Variants in DGKH observed in about 807,000 individuals in gnomAD.
DGKH encodes diacylglycerol kinase eta.
A neutral mutation model predicts 159.3 loss-of-function variants in DGKH; 90 were observed. That is an observed-to-expected ratio of 0.57 (90% CI 0.48 to 0.67). The LOEUF is 0.67. Among genes scored for constraint, DGKH ranks in the 30% least tolerant of loss-of-function variants. The pLI is 0.00. For missense variants in DGKH, 1,181 were observed against 1,506.1 expected (o/e 0.78, Z 3.57); for synonymous variants, 536 against 553.8 (o/e 0.97, Z 0.45).
At chr13:42,068,604 C>T (rs2137686094) in intron 1 of DGKH, among the ~76,000 whole-genome samples, 1 of 152,284 alleles carries the variant, frequency 6.6e-6, no homozygotes, top group African/African-American at 2.4e-5. Flanking sequence ...TATGTACAGT[C>T]TCACTGTAAA....
Position 42,156,449 on chromosome 13 carries a change from C to T in DGKH, c.622+650C>T, listed in dbSNP as rs756304452. ...GTTTTTTAAGTCTCACTATGTTGCC[C>T]AGGCTGGTCTCAAACTCCTGGGCTC... is the stretch of plus-strand genomic sequence containing the variant. On this transcript the variant is annotated intron_variant, in intron 5 of 29. Coordinates refer to ENST00000337343, the MANE Select transcript of DGKH (RefSeq NM_178009.5). Among the ~76,000 whole-genome samples, 64 of 152,044 alleles carry T rather than the reference C, an allele frequency of 4.2e-4. No individual in the cohort carries two copies. In the Middle Eastern group the frequency reaches 0.017, roughly 40 times the overall value.
Position 42,125,039 on chromosome 13 carries a change from G to A in DGKH, c.193-2424G>A, listed in dbSNP as rs2209516. ...TAGTCTAAGGCAGTGGTTTTCCACC[G>A]TGGCTGCCATTTGAATCGCCACCTC... On this transcript the variant is annotated intron_variant, in intron 1 of 29. Coordinates refer to ENST00000337343, the MANE Select transcript of DGKH (RefSeq NM_178009.5). Among the ~76,000 whole-genome samples the A allele has an allele frequency of 2.2e-4, 34 of 152,266 alleles. No individual in the cohort carries two copies. The East Asian group carries it at 6.4e-3, about 29-fold the overall frequency.
At chr13:42,214,955 C>T (rs1217381450) in intron 25 of DGKH, among the ~76,000 whole-genome samples, 2 of 152,088 alleles carry the variant, frequency 1.3e-5, no homozygotes, top group Non-Finnish European at 2.9e-5. Flanking sequence ...TCCTAGATAT[C>T]ATCAGCGTGC....
At chr13:42,179,555 T>C (rs1956694744) in intron 13 of DGKH, among the ~76,000 whole-genome samples, 1 of 152,126 alleles carries the variant, frequency 6.6e-6, no homozygotes, top group African/African-American at 2.4e-5. Flanking sequence ...GGCAGATTAC[T>C]TGAAGCCCAG....
At chr13:42,068,786 A>G in intron 1 of DGKH, 1 of 400,798 alleles carries the variant, frequency 2.5e-6, no homozygotes, top group Non-Finnish European at 4.4e-6. Flanking sequence ...GTAGAAAAAG[A>G]AAGTCTGGAT....
intron 1 of DGKH, among the ~76,000 whole-genome samples, chr13:42,061,455 T>A (rs1158098683): frequency 6.6e-6 from 1 of 152,222 alleles, no homozygotes; most frequent in Admixed American, 6.5e-5. Flanking sequence ...TCCCATACTC[T>A]TGCTATCTGT....
At chr13:42,160,729 G>C (rs1453958992) in intron 7 of DGKH, among the ~76,000 whole-genome samples, 1 of 152,214 alleles carries the variant, frequency 6.6e-6, no homozygotes, top group Non-Finnish European at 1.5e-5. Context: ...GGGCGATGCT[G>C]CTCTACAATG....
chr13:42,052,145 A>T (rs776806150), intron 1 of DGKH, among the ~76,000 whole-genome samples: 3 of 152,188 alleles, frequency 2.0e-5, no homozygotes, highest in Non-Finnish European at 4.4e-5. Context: ...CAGCTTTTTC[A>T]TAGTGGATTT....
At chr13:42,061,362 C>G (rs1470455946) in intron 1 of DGKH, among the ~76,000 whole-genome samples, 1 of 152,186 alleles carries the variant, frequency 6.6e-6, no homozygotes, top group Non-Finnish European at 1.5e-5. Flanking sequence ...TTCACCTATG[C>G]AAGCTCCCAG....
intron 1 of DGKH, among the ~76,000 whole-genome samples, chr13:42,041,415 G>C (rs1045177668): frequency 6.6e-6 from 1 of 152,190 alleles, no homozygotes; most frequent in Non-Finnish European, 1.5e-5. Context: ...CCTGCCAGCC[G>C]CTAAAGCTTG....
rs73470941 is a variant in DGKH at position 42,068,867 on chromosome 13, C to T, written c.192+19902C>T. The T allele has an allele frequency of 5.4e-3, 4,247 of 781,784 alleles. 138 individuals carry two copies. The African/African-American group carries it at 0.062, about 11-fold the overall frequency. 48.4% of individuals were successfully genotyped at this position (781,784 alleles called of 1,614,324 possible). Reference sequence around the variant, plus strand: ...TGATTCAAGTAAAAAATGACTTAAACTCTAGTAATAAAAAAGACAAAATAC... The same window carrying T: ...TGATTCAAGTAAAAAATGACTTAAATTCTAGTAATAAAAAAGACAAAATAC... On this transcript the variant is annotated intron_variant, in intron 1 of 29. Transcript: ENST00000337343.
intron 13 of DGKH, among the ~76,000 whole-genome samples, chr13:42,184,699 C>CA (rs1363479538): frequency 1.3e-5 from 2 of 151,346 alleles, no homozygotes; most frequent in African/African-American, 2.4e-5. Context: ...ACATCTCTAC[C>CA]AAAAAAAATT....
intron 3 of DGKH, among the ~76,000 whole-genome samples, chr13:42,147,767 T>A (rs1183888241): frequency 6.6e-6 from 1 of 152,190 alleles, no homozygotes; most frequent in Non-Finnish European, 1.5e-5. Context: ...TGAAAAAACT[T>A]CTCAATTTCC....
At chr13:42,127,426 A>G (rs760406979) in intron 1 of DGKH, 37 bp from the exon 2 acceptor site, 1 of 1,484,460 alleles carries the variant, frequency 6.7e-7, no homozygotes. Context: ...TTTGAATTTC[A>G]TTTTAATCGT....
intron 12 of DGKH, among the ~76,000 whole-genome samples, chr13:42,177,116 A>T (rs767497200): frequency 9.2e-5 from 14 of 152,160 alleles, no homozygotes; most frequent in Non-Finnish European, 1.8e-4. Context: ...AATTTTCACA[A>T]ACTAAACAAA....
chr13:42,086,160 C>T lies in DGKH; in HGVS notation c.192+37195C>T, dbSNP rs141923078. Among the ~76,000 whole-genome samples the T allele has an allele frequency of 2.7e-3, 415 of 152,228 alleles. 1 individual carries two copies. Among genetic ancestry groups the T allele is most frequent in the African/African-American group, 8.6e-3 (356 of 41,534 alleles). Reference sequence around the variant, plus strand: ...CTTGAACTCCTGACCTCAAGTAATCCGCCCACCTTTGTTTCCCAAAGTGTT... The same window carrying T: ...CTTGAACTCCTGACCTCAAGTAATCTGCCCACCTTTGTTTCCCAAAGTGTT... On this transcript the variant is annotated intron_variant, in intron 1 of 29. Coordinates refer to ENST00000337343, the MANE Select transcript of DGKH (RefSeq NM_178009.5).
chr13:42,066,833 A>G (rs1314206627), intron 1 of DGKH: 3 of 152,196 alleles, frequency 2.0e-5, no homozygotes, highest in Admixed American at 6.5e-5. Context: ...TATGATGTGC[A>G]TTATTGAAAA....
intron 3 of DGKH, among the ~76,000 whole-genome samples, chr13:42,137,722 C>T (rs1955429461): frequency 6.6e-6 from 1 of 152,126 alleles, no homozygotes; most frequent in South Asian, 2.1e-4. Context: ...TATTTTGGCA[C>T]TGTACTTTAA....
chr13:42,165,450 TA>T lies in DGKH; in HGVS notation c.958+19del, dbSNP rs945170338. On this transcript the variant is annotated intron_variant, in intron 8 of 29. Transcript: ENST00000337343. ...ATTCCGATGGTATGTAGCAGTAGTGTAAGTACGTATATTTCTGGTATATTTA... is the reference window on the plus strand; with the variant it reads ...ATTCCGATGGTATGTAGCAGTAGTGTAGTACGTATATTTCTGGTATATTTA... 2 of 1,364,842 alleles carry T rather than the reference TA, an allele frequency of 1.5e-6. No individual in the cohort carries two copies. The highest frequency in any genetic ancestry group is 2.5e-5 in the East Asian group (1 of 39,332). 84.5% of individuals were successfully genotyped at this position (1,364,842 alleles called of 1,614,324 possible).
Sources: allele counts gnomAD v4.1 joint callset (sites outside exome capture counted in the v4.1 genomes callset), GRCh38; gene constraint gnomAD v4.1.1; transcripts MANE v1.5; gene names NCBI Gene and HGNC (gene_info 2026-07-23, HGNC 2026-07-21).